The following XKR5 variants were observed in gnomAD, a reference collection of about 807,000 sequenced individuals.
XKR5 encodes XK-related protein 5.
A neutral mutation model predicts 40.8 loss-of-function variants in XKR5; 46 were observed. The observed-to-expected ratio is 1.13, with a 90% CI of 0.89 to 1.44. The LOEUF (loss-of-function observed/expected upper bound fraction) is 1.44, where lower values mean the gene tolerates loss of function less well. Ranked by LOEUF, XKR5 falls within the 40% of genes most tolerant of loss-of-function variation. The pLI, the probability that XKR5 is intolerant of heterozygous loss-of-function variation, is 0.00. For synonymous variants in XKR5, 466 were observed against 356.1 expected (o/e 1.31, Z -3.48); for missense variants, 1,169 against 844.7 (o/e 1.38, Z -4.76).
At chr8:6,827,122 C>T (rs2117109665) in intron 2 of XKR5, among the ~76,000 whole-genome samples, 1 of 152,282 alleles carries the variant, frequency 6.6e-6, no homozygotes, top group South Asian at 2.1e-4. Context: ...CCACTCCCCA[C>T]CACACCAGCG....
At position 6,825,262 on chromosome 8, in the gene XKR5, C is replaced by T. The variant is rs370245539; in HGVS notation, c.330G>A (p.Ser110=). Residue 110 remains serine (S), a synonymous_variant, in exon 3 of 7, where the codon TCG becomes TCA. Coordinates refer to ENST00000618742, the MANE Select transcript of XKR5 (RefSeq NM_207411.5). ...GWLQLQEADL[S]ALRLLEALLQ... The stretch of plus-strand genomic sequence containing the variant: ...GCAGGGCCTCCAAGAGTCGAAGGGC[C>T]GACAGGTCGGCCTCCTGCAGCTGCA... The T allele has an allele frequency of 3.2e-5, 52 of 1,611,434 alleles. No individual in the cohort carries two copies. Among genetic ancestry groups the T allele is most frequent in the Middle Eastern group, 1.7e-4 (1 of 6,054 alleles).
Position 6,812,169 on chromosome 8 carries a change from A to G in XKR5, c.1090T>C (p.Cys364Arg). 1 of 1,551,716 alleles carries G rather than the reference A, an allele frequency of 6.4e-7. No individual in the cohort carries two copies. Among genetic ancestry groups the G allele is most frequent in the Middle Eastern group, 1.7e-4 (1 of 5,992 alleles). ...GTTGGTTCATAACTTGCCCCTTGGC[A>G]TGAGCCTGAGCTCTCGGTTCTCTTC... ...AGKRTESSGS[C>R]QGASYEPTIL... The change falls in exon 7 of 7, where the codon TGC becomes CGC. Residue 364 changes from cysteine (C) to arginine (R), a missense_variant. Physicochemically the swap from Cys to Arg is radical, Grantham distance 180. Coordinates refer to ENST00000618742, the MANE Select transcript of XKR5 (RefSeq NM_207411.5).
At chr8:6,814,227 A>T (rs1359558637) in intron 6 of XKR5, among the ~76,000 whole-genome samples, 1 of 152,200 alleles carries the variant, frequency 6.6e-6, no homozygotes, top group African/African-American at 2.4e-5. Context: ...TGATTATTTT[A>T]AAAAGGATGA....
At chr8:6,833,656 C>A (rs1804870821) in intron 1 of XKR5, among the ~76,000 whole-genome samples, 2 of 152,140 alleles carry the variant, frequency 1.3e-5, no homozygotes, top group African/African-American at 4.8e-5. Context: ...GCGGAGTTTG[C>A]AGTGAGTCGA....
chr8:6,824,862 G>A (rs997343513), intron 3 of XKR5, among the ~76,000 whole-genome samples: 1 of 152,150 alleles, frequency 6.6e-6, no homozygotes, highest in African/African-American at 2.4e-5. Context: ...AAAAACATGT[G>A]CAGTGAGTTT....
At chr8:6,831,248 G>T (rs1233314322) in intron 2 of XKR5, among the ~76,000 whole-genome samples, 3 of 152,212 alleles carry the variant, frequency 2.0e-5, no homozygotes, top group African/African-American at 7.2e-5. Flanking sequence ...GACCCTATGA[G>T]GCCCTCCGAA....
intron 5 of XKR5, among the ~76,000 whole-genome samples, chr8:6,818,917 C>T (rs1347638239): frequency 6.6e-6 from 1 of 152,204 alleles, no homozygotes; most frequent in Non-Finnish European, 1.5e-5. Flanking sequence ...TGGTATGCAC[C>T]CGTGATCCCA....
Position 6,810,975 on chromosome 8 carries a change from T to C in XKR5, c.*223A>G, listed in dbSNP as rs1018804561. Reference sequence around the variant, plus strand: ...AATCTCTTTCTCCTCCTCTAAAGTATGTTAGAGTCTCTCCTATGCATGGGT... The same window carrying C: ...AATCTCTTTCTCCTCCTCTAAAGTACGTTAGAGTCTCTCCTATGCATGGGT... On this transcript the variant is annotated 3_prime_UTR_variant, in exon 7 of 7. Transcript: ENST00000618742. 5 of 466,980 alleles carry C rather than the reference T, an allele frequency of 1.1e-5. No homozygotes were observed. The highest frequency in any genetic ancestry group is 9.9e-5 in the African/African-American group (5 of 50,658). 28.9% of individuals were successfully genotyped at this position (466,980 alleles called of 1,614,324 possible).
At chr8:6,817,768 G>A (rs115233977) in intron 5 of XKR5, among the ~76,000 whole-genome samples, 150 of 152,260 alleles carry the variant, frequency 9.9e-4, no homozygotes, top group African/African-American at 3.5e-3. Flanking sequence ...ACCCAGAACT[G>A]TCTCCTCAAG....
intron 5 of XKR5, among the ~76,000 whole-genome samples, chr8:6,816,645 ATT>A (rs1325810628): frequency 1.0e-4 from 15 of 147,640 alleles, no homozygotes; most frequent in African/African-American, 3.7e-4. Flanking sequence ...TTTAATATAT[ATT>A]TTAATTTATT....
Position 6,811,752 on chromosome 8 carries a change from G to C in XKR5, c.1507C>G (p.Pro503Ala). The C allele has an allele frequency of 6.5e-7, 1 of 1,537,584 alleles. No homozygotes were observed. Among genetic ancestry groups the C allele is most frequent in the South Asian group, 1.2e-5 (1 of 84,060 alleles). Residue 503 changes from proline (P) to alanine (A), a missense_variant, in exon 7 of 7, where the codon CCA becomes GCA. Pro to Ala is a conservative substitution (Grantham distance 27, BLOSUM62 -1). Transcript: ENST00000618742. ...DQQDEAPTQN[P>A]AATQGEGTPK... is the part of the protein sequence containing the mutation. ...GTGCCCTCCCCCTGCGTGGCTGCTG[G>C]GTTCTGGGTAGGTGCTTCATCCTGC...
chr8:6,812,858 T>G (rs1334742979), intron 6 of XKR5, among the ~76,000 whole-genome samples: 1 of 152,216 alleles, frequency 6.6e-6, no homozygotes, highest in Non-Finnish European at 1.5e-5. Flanking sequence ...AAAAACCCCA[T>G]ATCAAGGAAT....
At chr8:6,833,776 T>C (rs2978900) in intron 1 of XKR5, among the ~76,000 whole-genome samples, 74,125 of 151,972 alleles carry the variant, frequency 0.49, 18,312 homozygotes, top group Middle Eastern at 0.63. Flanking sequence ...AAGAGTCTCC[T>C]AGGAGCAGGC....
intron 2 of XKR5, among the ~76,000 whole-genome samples, chr8:6,831,845 T>A (rs568890927): frequency 1.3e-5 from 2 of 151,712 alleles, no homozygotes; most frequent in Non-Finnish European, 1.5e-5. Flanking sequence ...GAAACCCTGT[T>A]TCGACTAAAA....
intron 1 of XKR5, among the ~76,000 whole-genome samples, chr8:6,834,413 CACGAAA>C (rs1482457839): frequency 1.3e-5 from 2 of 152,252 alleles, no homozygotes; most frequent in African/African-American, 4.8e-5. Flanking sequence ...GCCTCCCTTG[CACGAAA>C]AGCCTTCGGT....
At position 6,832,808 on chromosome 8, in the gene XKR5, C is replaced by A. The variant is rs1804830402; in HGVS notation, c.151G>T (p.Ala51Ser). ...GCTCGGAACCACAGGTAGCTCAGGG[C>A]CTGGACCAAGAACCCGGGCAGGAGG... is the stretch of plus-strand genomic sequence containing the variant. ...AVLLPGFLVQ[A>S]LSYLWFRADG... Residue 51 changes from alanine to serine, a missense_variant, in exon 2 of 7, where the codon GCC (alanine) becomes TCC (serine). By Grantham distance (99) the Ala-to-Ser change is moderately conservative. Coordinates refer to ENST00000618742, the MANE Select transcript of XKR5 (RefSeq NM_207411.5). 1 of 1,612,810 alleles carries A rather than the reference C, an allele frequency of 6.2e-7. No individual in the cohort carries two copies. Among genetic ancestry groups the A allele is most frequent in the African/African-American group, 1.3e-5 (1 of 74,958 alleles).
In XKR5 at chr8:6,812,096, C is replaced by G; in HGVS notation, c.1163G>C (p.Gly388Ala). The G allele has an allele frequency of 6.5e-7, 1 of 1,544,652 alleles. No homozygotes were observed. The change falls in exon 7 of 7, where the codon GGG becomes GCG. Residue 388 changes from glycine (G) to alanine (A), a missense_variant. Transcript: ENST00000618742. ...CTCCACAGCAACCTGGGTCCCCAGCCCAGCCTCTGGGGGGACCTGCTCAGG... is the reference window on the plus strand; with the variant it reads ...CTCCACAGCAACCTGGGTCCCCAGCGCAGCCTCTGGGGGGACCTGCTCAGG... Reference protein sequence around the residue: ...PTPEQVPPEAGLGTQVAVEDS... With the variant: ...PTPEQVPPEAALGTQVAVEDS...
chr8:6,832,870 G>A lies in XKR5; in HGVS notation c.89C>T (p.Thr30Ile), dbSNP rs995821560. 6.2e-7 allele frequency: 1 copy of A among 1,606,526 alleles called. No homozygotes were observed. ...RLYTVAYYFTTGRLLWGWLAL... is the reference protein window; with the variant it reads ...RLYTVAYYFTIGRLLWGWLAL... ...CAGCCACCCCCACAGAAGCCGTCCT[G>A]TGGTGAAGTAGTAAGCCACGGTGTA... The change falls in exon 2 of 7, where the codon ACA (threonine) becomes ATA (isoleucine). Residue 30 changes from threonine to isoleucine, a missense_variant. Coordinates refer to ENST00000618742, the MANE Select transcript of XKR5 (RefSeq NM_207411.5).
chr8:6,822,116 C>T (rs1048025989), intron 4 of XKR5, 78 bp from the exon 5 acceptor site: 3 of 1,421,400 alleles, frequency 2.1e-6, no homozygotes, highest in African/African-American at 1.4e-5. Flanking sequence ...AGACCAGGGG[C>T]TGGAAGGCTC....
Sources: allele counts gnomAD v4.1 joint callset (sites outside exome capture counted in the v4.1 genomes callset), GRCh38; gene constraint gnomAD v4.1.1; transcripts MANE v1.5; gene names NCBI Gene and HGNC (gene_info 2026-07-23, HGNC 2026-07-21).